FSTL5: variants seen among roughly 807,000 people sequenced by gnomAD.
The protein encoded by FSTL5 is follistatin-related protein 5.
Under a neutral mutation model 89.1 loss-of-function variants are expected in FSTL5, and 62 were observed. The observed-to-expected ratio is 0.70, with a 90% confidence interval of 0.57 to 0.86. The LOEUF is 0.86. Ranked by LOEUF, FSTL5 falls within the 40% of genes least tolerant of loss-of-function variation. The probability of loss-of-function intolerance (pLI) is 0.00; values close to 1 mark genes in which losing one functional copy is unlikely to be tolerated. For missense variants in FSTL5, 1,057 were observed against 1,001.6 expected, an observed-to-expected ratio of 1.06 and a Z score of -0.75; for synonymous variants, 383 against 346.2, an observed-to-expected ratio of 1.11 and a Z score of -1.18.
intron 4 of FSTL5, among the ~76,000 whole-genome samples, chr4:161,878,890 T>A (rs967370245): frequency 2.0e-5 from 3 of 152,216 alleles, no homozygotes; most frequent in African/African-American, 7.2e-5. Context: ...ATGAATGTTA[T>A]CATTCCCAGC....
intron 6 of FSTL5, among the ~76,000 whole-genome samples, chr4:161,721,150 C>T (rs1270844047): frequency 2.0e-5 from 3 of 151,526 alleles, no homozygotes; most frequent in Non-Finnish European, 4.4e-5. Flanking sequence ...CGGTGGCGGG[C>T]GCCTGTAGTC....
At chr4:162,083,094 G>A (rs1455998894) in intron 2 of FSTL5, among the ~76,000 whole-genome samples, 4 of 151,558 alleles carry the variant, frequency 2.6e-5, no homozygotes, top group African/African-American at 9.7e-5. Context: ...ACATTTGTTT[G>A]GAAAATAGTT....
At chr4:162,072,530 T>C (rs1251146582) in intron 2 of FSTL5, among the ~76,000 whole-genome samples, 1 of 151,872 alleles carries the variant, frequency 6.6e-6, no homozygotes, top group Non-Finnish European at 1.5e-5. Flanking sequence ...TCTTTCTAAG[T>C]ATGAGAATAG....
intron 1 of FSTL5, among the ~76,000 whole-genome samples, chr4:162,137,475 A>G (rs1275807479): frequency 6.6e-6 from 1 of 152,122 alleles, no homozygotes; most frequent in South Asian, 2.1e-4. Context: ...ACACACATAT[A>G]TAACAAAATC....
intron 4 of FSTL5, among the ~76,000 whole-genome samples, chr4:161,860,157 G>C (rs1484624918): frequency 2.0e-5 from 3 of 151,704 alleles, no homozygotes; most frequent in African/African-American, 4.8e-5. Flanking sequence ...GCGTGGTGGC[G>C]GGCGCCTGTA....
intron 5 of FSTL5, among the ~76,000 whole-genome samples, chr4:161,760,448 A>G (rs568102150): frequency 6.6e-6 from 1 of 152,244 alleles, no homozygotes; most frequent in African/African-American, 2.4e-5. Context: ...TCAGAAAACA[A>G]AGACTTCAAA....
intron 7 of FSTL5, among the ~76,000 whole-genome samples, chr4:161,620,529 G>A (rs1461051533): frequency 3.9e-5 from 6 of 152,146 alleles, no homozygotes; most frequent in South Asian, 2.1e-4. Context: ...GGTGGCAGGC[G>A]CCTGTAATCC....
chr4:161,838,586 G>A (rs1376234842), intron 4 of FSTL5, among the ~76,000 whole-genome samples: 1 of 152,074 alleles, frequency 6.6e-6, no homozygotes, highest in Non-Finnish European at 1.5e-5. Flanking sequence ...GCCTGGCCTG[G>A]AATGTTTTCT....
At chr4:161,641,706 G>C (rs1735969783) in intron 7 of FSTL5, among the ~76,000 whole-genome samples, 1 of 151,918 alleles carries the variant, frequency 6.6e-6, no homozygotes, top group South Asian at 2.1e-4. Context: ...TAGCCAGGAT[G>C]GTCTCGATCT....
intron 13 of FSTL5, among the ~76,000 whole-genome samples, chr4:161,461,288 C>CAAAAAAAAAAAA (rs781313697): frequency 1.4e-5 from 1 of 72,632 alleles, no homozygotes. Flanking sequence ...ACTAAAAATA[C>CAAAAAAAAAAAA]AAAAAAAACA....
intron 10 of FSTL5, among the ~76,000 whole-genome samples, chr4:161,526,681 C>T (rs188308861): frequency 6.6e-6 from 1 of 152,268 alleles, no homozygotes; most frequent in South Asian, 2.1e-4. Context: ...CCAGTTTTCC[C>T]AGCACCATTT....
intron 4 of FSTL5, among the ~76,000 whole-genome samples, chr4:161,901,199 A>C (rs1733353125): frequency 6.6e-6 from 1 of 152,234 alleles, no homozygotes; most frequent in South Asian, 2.1e-4. Context: ...AAAAAAAAAA[A>C]ACAGAACACC....
At chr4:161,697,207 G>A (rs1452970835) in intron 6 of FSTL5, among the ~76,000 whole-genome samples, 2 of 152,112 alleles carry the variant, frequency 1.3e-5, no homozygotes, top group African/African-American at 4.8e-5. Flanking sequence ...CTGAGGAATG[G>A]GGACGGGAAG....
intron 3 of FSTL5, among the ~76,000 whole-genome samples, chr4:162,031,518 C>T (rs1392682092): frequency 1.3e-5 from 2 of 152,058 alleles, no homozygotes; most frequent in Non-Finnish European, 2.9e-5. Flanking sequence ...GAGGTCATTC[C>T]TAATTTCTAG....
At chr4:161,677,016 G>T (rs35321450) in intron 6 of FSTL5, among the ~76,000 whole-genome samples, 13,992 of 151,890 alleles carry the variant, frequency 0.092, 887 homozygotes, top group Non-Finnish European at 0.14. Context: ...TTTACTGAAT[G>T]AATCTATATG....
intron 13 of FSTL5, among the ~76,000 whole-genome samples, chr4:161,475,438 C>G (rs985912723): frequency 1.3e-5 from 2 of 152,062 alleles, no homozygotes. Flanking sequence ...GTTCACTCCT[C>G]TTCAGTTGTT....
At chr4:161,962,037 A>C (rs1346593466) in intron 3 of FSTL5, among the ~76,000 whole-genome samples, 2 of 151,946 alleles carry the variant, frequency 1.3e-5, no homozygotes, top group African/African-American at 4.8e-5. Context: ...TTAATATCAC[A>C]TAATGTTGTA....
intron 15 of FSTL5, among the ~76,000 whole-genome samples, chr4:161,403,875 G>C (rs1731269746): frequency 6.6e-6 from 1 of 152,192 alleles, no homozygotes; most frequent in Admixed American, 6.5e-5. Flanking sequence ...TGGGAAAACA[G>C]TCAAAGGTTG....
chr4:162,149,478 TTAA>T (rs145034085), intron 1 of FSTL5, among the ~76,000 whole-genome samples: 7,384 of 150,668 alleles, frequency 0.049, 362 homozygotes, highest in African/African-American at 0.12. Context: ...AATGTAAAAT[TTAA>T]AAAAAAAAAA....
Sources: gnomAD v4.1 joint callset for allele counts (sites outside exome capture counted in the v4.1 genomes callset) on GRCh38, gnomAD v4.1.1 for gene constraint, MANE v1.5 for transcripts, NCBI Gene and HGNC (gene_info 2026-07-23, HGNC 2026-07-21) for gene names.